The following CHRNA10 variants were observed in gnomAD, a reference collection of about 807,000 sequenced individuals.
CHRNA10 encodes the protein cholinergic receptor nicotinic alpha 10 subunit.
In CHRNA10, 31 loss-of-function variants were observed where a neutral mutation model predicts 36.0. That is an observed-to-expected ratio of 0.86 (90% CI 0.65 to 1.16). CHRNA10 has a LOEUF of 1.16. Among genes scored for constraint, CHRNA10 ranks in the 50% most tolerant of loss-of-function variants. The probability of loss-of-function intolerance (pLI) is 0.00; values close to 1 mark genes in which losing one functional copy is unlikely to be tolerated. For synonymous variants in CHRNA10, 302 were observed against 287.0 expected, an observed-to-expected ratio of 1.05 and a Z score of -0.53; for missense variants, 648 against 640.9, an observed-to-expected ratio of 1.01 and a Z score of -0.12.
At chr11:3,667,139 G>C (rs1412415004) in intron 4 of CHRNA10, 93 bp downstream of exon 4, 1 of 1,430,790 alleles carries the variant, frequency 7.0e-7, no homozygotes, top group Admixed American at 2.8e-5. Flanking sequence ...ACTTTCTGCA[G>C]TGGGGCCGTT....
chr11:3,670,129 G>T (rs2077703377), intron 1 of CHRNA10, among the ~76,000 whole-genome samples, 188 bp from the exon 2 acceptor site: 1 of 152,194 alleles, frequency 6.6e-6, no homozygotes. Flanking sequence ...TAAAGGCCAT[G>T]GAGTGAACTG....
At position 3,667,720 on chromosome 11, in the gene CHRNA10, AGGACC is replaced by A. The variant is rs1564789439; in HGVS notation, c.402_406del (p.Val135AlafsTer201). 6.4e-7 allele frequency: 1 copy of A among 1,572,548 alleles called. No individual in the cohort carries two copies. The highest frequency in any genetic ancestry group is 1.4e-5 in the African/African-American group (1 of 73,142). On this transcript the variant is annotated frameshift_variant, in exon 4 of 5. Coordinates refer to ENST00000250699, the MANE Select transcript of CHRNA10 (RefSeq NM_020402.4). LOFTEE classifies it high-confidence loss of function. Reference sequence around the variant, plus strand: ...CCAGCGCACGGCGCCATCGTGGCGCAGGACCACGTTGGTGCTGGCGGAACCTGGAG... The same window carrying A: ...CCAGCGCACGGCGCCATCGTGGCGCAACGTTGGTGCTGGCGGAACCTGGAG...
Position 3,669,209 on chromosome 11 carries a change from C to T in CHRNA10, c.349G>A (p.Val117Ile), listed in dbSNP as rs761217416. 4.1e-5 allele frequency: 66 copies of T among 1,613,102 alleles called. No homozygotes were observed. The highest frequency in any genetic ancestry group is 2.5e-4 in the Admixed American group (15 of 59,912). The change falls in exon 3 of 5, where the codon GTA (valine) becomes ATA (isoleucine). Residue 117 changes from valine (V) to isoleucine (I), a missense_variant. Coordinates refer to ENST00000250699, the MANE Select transcript of CHRNA10 (RefSeq NM_020402.4). ...PSSLVWRPDI[V>I]LYNKADAQPP... The stretch of plus-strand genomic sequence containing the variant: ...GATAGGCAGTACTTGTTATAGAGTA[C>T]GATGTCTGGCCGCCACACAAGACTG...
Position 3,667,729 on chromosome 11 carries a change from T to G in CHRNA10, c.398A>C (p.Asn133Thr). ...DAQPPGSAST[N>T]VVLRHDGAVR... Reference sequence around the variant, plus strand: ...GGCGCCATCGTGGCGCAGGACCACGTTGGTGCTGGCGGAACCTGGAGGCTG... The same window carrying G: ...GGCGCCATCGTGGCGCAGGACCACGGTGGTGCTGGCGGAACCTGGAGGCTG... The change falls in exon 4 of 5, where the codon AAC (asparagine) becomes ACC (threonine). Residue 133 changes from asparagine (N) to threonine (T), a missense_variant. Coordinates refer to ENST00000250699, the MANE Select transcript of CHRNA10 (RefSeq NM_020402.4). 1 of 1,568,904 alleles carries G rather than the reference T, an allele frequency of 6.4e-7. No homozygotes were observed.
At chr11:3,669,670 TA>T in intron 2 of CHRNA10, 125 bp downstream of exon 2, 9 of 1,317,384 alleles carry the variant, frequency 6.8e-6, no homozygotes, top group Non-Finnish European at 9.8e-6. Context: ...TTGTAACTGC[TA>T]CCTTTGTTAA....
In CHRNA10 at chr11:3,667,546, G is replaced by A. The variant is rs541831012; in HGVS notation, c.581C>T (p.Ala194Val). 1.8e-5 allele frequency: 29 copies of A among 1,581,160 alleles called. No homozygotes were observed. Among genetic ancestry groups the A allele is most frequent in the South Asian group, 3.4e-5 (3 of 89,196 alleles). Residue 194 changes from alanine (A) to valine (V), a missense_variant, in exon 4 of 5, where the codon GCG becomes GTG. Coordinates refer to ENST00000250699, the MANE Select transcript of CHRNA10 (RefSeq NM_020402.4). ...VRPRGAAASLADFVENVEWRV... is the reference protein window; with the variant it reads ...VRPRGAAASLVDFVENVEWRV... ...CCACTCCACGTTCTCCACGAAGTCC[G>A]CCAGGCTGGCTGCAGCGCCGCGCGG...
rs1161340529 is a variant in CHRNA10 at position 3,665,594 on chromosome 11, T to C, written c.*513A>G. 1 of 153,084 alleles carries C rather than the reference T, an allele frequency of 6.5e-6. No homozygotes were observed. The highest frequency in any genetic ancestry group is 1.5e-5 in the Non-Finnish European group (1 of 68,796). 9.5% of individuals were successfully genotyped at this position (153,084 alleles called of 1,614,324 possible). A position where few individuals can be genotyped will look rare whatever the true frequency, so the allele number is the denominator to read the frequency against. On this transcript the variant is annotated 3_prime_UTR_variant, in exon 5 of 5. Transcript: ENST00000250699. ...CACAGGGCATCGAGGAGGTGCTAGG[T>C]ACACGCTTACTTTATTGAGTCAGGG...
rs769337604 is a variant in CHRNA10 at position 3,666,168 on chromosome 11, A to T, written c.1292T>A (p.Leu431Gln). 1.2e-6 allele frequency: 2 copies of T among 1,607,624 alleles called. No homozygotes were observed. The highest frequency in any genetic ancestry group is 1.7e-6 in the Non-Finnish European group (2 of 1,176,902). The change falls in exon 5 of 5, where the codon CTG becomes CAG. Residue 431 changes from leucine to glutamine, a missense_variant. Coordinates refer to ENST00000250699, the MANE Select transcript of CHRNA10 (RefSeq NM_020402.4). Reference sequence around the variant, plus strand: ...CAGGGCCATGGAGAAGAAGATGGCCAGGAAGAAGCGGTCCATCACACGGGC... The same window carrying T: ...CAGGGCCATGGAGAAGAAGATGGCCTGGAAGAAGCGGTCCATCACACGGGC... ...RLARVMDRFF[L>Q]AIFFSMALVM...
rs1185752920 is a variant in CHRNA10, at chr11:3,667,289, C to T, written c.838G>A (p.Val280Ile). ...CTCTCGGCCAGCAGCAACTGGAAGA[C>T]GGTGAGCGCCAGCAGCACGGTGACG... Reference protein sequence around the residue: ...LGVTVLLALTVFQLLLAESMP... With the variant: ...LGVTVLLALTIFQLLLAESMP... The change falls in exon 4 of 5, where the codon GTC becomes ATC. Residue 280 changes from valine (V) to isoleucine (I), a missense_variant. Transcript: ENST00000250699. 4.4e-6 allele frequency: 7 copies of T among 1,598,080 alleles called. No homozygotes were observed. Among genetic ancestry groups the T allele is most frequent in the South Asian group, 1.1e-5 (1 of 90,842 alleles).
intron 1 of CHRNA10, among the ~76,000 whole-genome samples, 185 bp from the exon 2 acceptor site, chr11:3,670,126 C>T (rs533622867): frequency 6.6e-6 from 1 of 152,312 alleles, no homozygotes; most frequent in Non-Finnish European, 1.5e-5. Context: ...AGGTAAAGGC[C>T]ATGGAGTGAA....
In CHRNA10 at chr11:3,669,493, T is replaced by C. The variant is rs2231539; in HGVS notation, c.208-143A>G. The C allele has an allele frequency of 3.5e-4, 367 of 1,049,328 alleles. 3 individuals are homozygous for C. The Middle Eastern group carries it at 7.2e-3, about 20-fold the overall frequency. The allele number at this position is 1,049,328 out of a possible 1,614,324, so 65.0% of individuals were successfully genotyped here. The stretch of plus-strand genomic sequence containing the variant: ...TCCAGTTCCCACCCAGACCTGACCT[T>C]GCCATGTGACCTTAGTGGGCTCTTC... On this transcript the variant is annotated intron_variant, in intron 2 of 4. Coordinates refer to ENST00000250699, the MANE Select transcript of CHRNA10 (RefSeq NM_020402.4).
intron 1 of CHRNA10, 135 bp from the exon 2 acceptor site, chr11:3,670,076 T>A: frequency 1.0e-6 from 1 of 955,212 alleles, no homozygotes; most frequent in Non-Finnish European, 1.6e-6. Flanking sequence ...GCTCTAGCTG[T>A]GGCTCTAGTT....
intron 3 of CHRNA10, among the ~76,000 whole-genome samples, chr11:3,668,117 CT>C (rs1373070672): frequency 1.3e-5 from 2 of 152,200 alleles, no homozygotes; most frequent in Admixed American, 1.3e-4. Context: ...CTTACTGGCT[CT>C]TTCTTGAATT....
chr11:3,667,398 C>T lies in CHRNA10; in HGVS notation c.729G>A (p.Leu243=), dbSNP rs1157337836. The T allele has an allele frequency of 3.1e-6, 5 of 1,601,168 alleles. No homozygotes were observed. The highest frequency in any genetic ancestry group is 4.2e-6 in the Non-Finnish European group (5 of 1,177,946). Residue 243 remains leucine (L), a synonymous_variant, in exon 4 of 5, where the codon CTG becomes CTA. Coordinates refer to ENST00000250699, the MANE Select transcript of CHRNA10 (RefSeq NM_020402.4). Reference sequence around the variant, plus strand: ...GCGAGATGAGCACGCAGGGCAGCAGCAGGTTGCACACGTAGGCGGCGGCGC... The same window carrying T: ...GCGAGATGAGCACGCAGGGCAGCAGTAGGTTGCACACGTAGGCGGCGGCGC... ...RRRAAAYVCN[L]LLPCVLISLL... is the part of the protein sequence containing the mutation.
Position 3,667,255 on chromosome 11 carries a change from G to T in CHRNA10, c.872C>A (p.Pro291Gln). The T allele has an allele frequency of 6.3e-7, 1 of 1,591,922 alleles. No homozygotes were observed. Among genetic ancestry groups the T allele is most frequent in the Non-Finnish European group, 8.5e-7 (1 of 1,176,526 alleles). Residue 291 changes from proline (P) to glutamine (Q), a missense_variant, in exon 4 of 5, where the codon CCG becomes CAG. By Grantham distance (76) the Pro-to-Gln change is moderately conservative (BLOSUM62 -1). Coordinates refer to ENST00000250699, the MANE Select transcript of CHRNA10 (RefSeq NM_020402.4). ...ACCGATGAGCGGCACGCTCTCGGCC[G>T]GTGGCATGCTCTCGGCCAGCAGCAA... ...FQLLLAESMP[P>Q]AESVPLIGKY...
chr11:3,671,164 A>G, intron 1 of CHRNA10, 88 bp downstream of exon 1: 2 of 1,345,340 alleles, frequency 1.5e-6, no homozygotes, highest in Admixed American at 3.4e-5. Context: ...GGAGAAACAC[A>G]AGAGAGACTA....
At position 3,665,999 on chromosome 11, in the gene CHRNA10, C is replaced by G. The variant is rs969609816; in HGVS notation, c.*108G>C. 1 of 880,336 alleles carries G rather than the reference C, an allele frequency of 1.1e-6. No homozygotes were observed. The highest frequency in any genetic ancestry group is 1.7e-5 in the African/African-American group (1 of 58,978). The allele number at this position is 880,336 out of a possible 1,614,324, so 54.5% of individuals were successfully genotyped here. A position where few individuals can be genotyped will look rare whatever the true frequency, so the allele number is the denominator to read the frequency against. On this transcript the variant is annotated 3_prime_UTR_variant, in exon 5 of 5. Transcript: ENST00000250699. ...GTCAAGTGTCTCAGGATCTTAGGAG[C>G]AGTGGGGAGAGACTGGCTGGCCCAA... is the stretch of plus-strand genomic sequence containing the variant.
At position 3,666,036 on chromosome 11, in the gene CHRNA10, C is replaced by A; in HGVS notation, c.*71G>T. ...ACTGGCTGGCCCAAAGACCAGCAAC[C>A]ACTTGGCCGTGGCTGTCCCTTTCTG... On this transcript the variant is annotated 3_prime_UTR_variant, in exon 5 of 5. Coordinates refer to ENST00000250699, the MANE Select transcript of CHRNA10 (RefSeq NM_020402.4). 2 of 1,373,986 alleles carry A rather than the reference C, an allele frequency of 1.5e-6. No individual in the cohort carries two copies. The highest frequency in any genetic ancestry group is 1.5e-5 in the South Asian group (1 of 66,804). The allele number at this position is 1,373,986 out of a possible 1,614,324, so 85.1% of individuals were successfully genotyped here.
Position 3,669,285 on chromosome 11 carries a change from T to C in CHRNA10, c.273A>G (p.Leu91=). The change falls in exon 3 of 5, where the codon CTA becomes CTG. Residue 91 remains leucine (L), a synonymous_variant. Coordinates refer to ENST00000250699, the MANE Select transcript of CHRNA10 (RefSeq NM_020402.4). ...WIRQEWTDAY[L]RWDPNAYGGL... ...CACCATAGGCATTGGGGTCCCATCGTAGGTAGGCATCTGTCCACTCCTGCC... is the reference window on the plus strand; with the variant it reads ...CACCATAGGCATTGGGGTCCCATCGCAGGTAGGCATCTGTCCACTCCTGCC... 6.2e-7 allele frequency: 1 copy of C among 1,614,078 alleles called. No homozygotes were observed. The highest frequency in any genetic ancestry group is 1.1e-5 in the South Asian group (1 of 91,070).
Sources: gnomAD v4.1 joint callset for allele counts (sites outside exome capture counted in the v4.1 genomes callset) on GRCh38, gnomAD v4.1.1 for gene constraint, MANE v1.5 for transcripts, NCBI Gene and HGNC (gene_info 2026-07-23, HGNC 2026-07-21) for gene names.